The following PRKG2 variants were observed in gnomAD, a reference collection of about 807,000 sequenced individuals.
The protein encoded by PRKG2 is protein kinase cGMP-dependent 2.
A neutral mutation model predicts 97.2 loss-of-function variants in PRKG2; 33 were observed. That is an observed-to-expected ratio of 0.34 (90% CI 0.26 to 0.45). PRKG2 has a LOEUF of 0.45. Ranked by LOEUF, PRKG2 falls within the 20% of genes least tolerant of loss-of-function variation. The pLI is 1.00. For synonymous variants in PRKG2, 330 were observed against 321.8 expected, an observed-to-expected ratio of 1.03 and a Z score of -0.27; for missense variants, 638 against 900.0, an observed-to-expected ratio of 0.71 and a Z score of 3.73.
chr4:81,204,969 G>A lies in PRKG2; in HGVS notation c.79C>T (p.Arg27Trp), dbSNP rs187350442. 297 of 1,614,036 alleles carry A rather than the reference G, an allele frequency of 1.8e-4. No homozygotes were observed. The highest frequency in any genetic ancestry group is 2.3e-4 in the Admixed American group (14 of 59,996). ...CTCTCCAGCTCTGTCACCTTGTTCCGCAGAGCATCAGTGGTGAGGTTCCCA... is the reference window on the plus strand; with the variant it reads ...CTCTCCAGCTCTGTCACCTTGTTCCACAGAGCATCAGTGGTGAGGTTCCCA... ...HSGNLTTDAL[R>W]NKVTELEREL... Residue 27 changes from arginine (R) to tryptophan (W), a missense_variant, in exon 2 of 19, where the codon CGG (arginine) becomes TGG (tryptophan). Arg to Trp is a moderately radical substitution (Grantham distance 101). Transcript: ENST00000264399.
At chr4:81,131,523 T>C (rs993211122) in intron 14 of PRKG2, among the ~76,000 whole-genome samples, 1 of 152,236 alleles carries the variant, frequency 6.6e-6, no homozygotes, top group African/African-American at 2.4e-5. Flanking sequence ...ATATTCTAGA[T>C]ACAAGCCTTT....
chr4:81,179,102 G>T (rs1264690115), intron 2 of PRKG2, among the ~76,000 whole-genome samples: 1 of 151,412 alleles, frequency 6.6e-6, no homozygotes, highest in Non-Finnish European at 1.5e-5. Context: ...CTCCAGCCTG[G>T]CAGCAGAGTG....
At chr4:81,175,556 G>C (rs1750849932) in intron 2 of PRKG2, 1 of 152,158 alleles carries the variant, frequency 6.6e-6, no homozygotes, top group Non-Finnish European at 1.5e-5. Context: ...TCTTCTGAGG[G>C]AGAAAGCTTC....
At chr4:81,155,341 T>C (rs893906864) in intron 6 of PRKG2, among the ~76,000 whole-genome samples, 1 of 151,374 alleles carries the variant, frequency 6.6e-6, no homozygotes, top group Non-Finnish European at 1.5e-5. Context: ...CAATGGAAGA[T>C]GAAATGAATG....
intron 6 of PRKG2, among the ~76,000 whole-genome samples, chr4:81,160,641 A>G (rs1205390847): frequency 2.0e-5 from 3 of 152,202 alleles, no homozygotes; most frequent in Admixed American, 6.5e-5. Flanking sequence ...TCATAATGCA[A>G]TATCCAAAGA....
chr4:81,190,132 CA>C (rs1399579216), intron 2 of PRKG2, among the ~76,000 whole-genome samples: 1 of 152,074 alleles, frequency 6.6e-6, no homozygotes, highest in Non-Finnish European at 1.5e-5. Flanking sequence ...CAATCCTAAG[CA>C]AAAAGAACAA....
At chr4:81,128,618 A>C (rs924565184) in intron 14 of PRKG2, among the ~76,000 whole-genome samples, 1 of 152,090 alleles carries the variant, frequency 6.6e-6, no homozygotes, top group Admixed American at 6.6e-5. Context: ...ATTTGCGTAG[A>C]AGTGTTTATA....
At chr4:81,181,866 T>C (rs1279849389) in intron 2 of PRKG2, among the ~76,000 whole-genome samples, 1 of 151,706 alleles carries the variant, frequency 6.6e-6, no homozygotes, top group African/African-American at 2.4e-5. Flanking sequence ...AAACATCAAG[T>C]ATGGAAAATT....
intron 6 of PRKG2, chr4:81,154,141 TGCTA>T (rs1430000528): frequency 4.9e-5 from 8 of 162,112 alleles, no homozygotes; most frequent in Non-Finnish European, 9.3e-5. Context: ...TCTTGCTGAT[TGCTA>T]GCACAGCAGT....
intron 15 of PRKG2, 95 bp from the exon 16 acceptor site, chr4:81,106,030 C>T: frequency 7.2e-7 from 1 of 1,387,448 alleles, no homozygotes; most frequent in Non-Finnish European, 9.8e-7. Flanking sequence ...CCTTCCCTCC[C>T]TTCTTTCATT....
At chr4:81,097,340 G>A (rs1237969065) in intron 17 of PRKG2, among the ~76,000 whole-genome samples, 1 of 151,272 alleles carries the variant, frequency 6.6e-6, no homozygotes, top group Non-Finnish European at 1.5e-5. Flanking sequence ...GAGGTCTCAA[G>A]AGTAGGCTTA....
chr4:81,211,642 C>T (rs1270664779), intron 1 of PRKG2, among the ~76,000 whole-genome samples: 1 of 152,086 alleles, frequency 6.6e-6, no homozygotes, highest in Non-Finnish European at 1.5e-5. Context: ...AGGGAAGATA[C>T]TATTGCACCA....
chr4:81,120,092 A>C (rs1744933987), intron 14 of PRKG2, among the ~76,000 whole-genome samples: 1 of 152,200 alleles, frequency 6.6e-6, no homozygotes, highest in African/African-American at 2.4e-5. Context: ...GACAAGATTG[A>C]AAACCTAACT....
intron 6 of PRKG2, among the ~76,000 whole-genome samples, chr4:81,159,264 G>GA (rs955081078): frequency 2.7e-5 from 4 of 149,252 alleles, no homozygotes; most frequent in South Asian, 2.2e-4. Flanking sequence ...AAATTTACAA[G>GA]AAAAAAAAAC....
chr4:81,125,254 A>C (rs961151343), intron 14 of PRKG2, among the ~76,000 whole-genome samples: 1 of 152,194 alleles, frequency 6.6e-6, no homozygotes, highest in African/African-American at 2.4e-5. Context: ...CAACCACTAT[A>C]CTGTCAAGAT....
chr4:81,135,574 T>C (rs1471028934), intron 13 of PRKG2, among the ~76,000 whole-genome samples: 1 of 151,916 alleles, frequency 6.6e-6, no homozygotes, highest in Admixed American at 6.6e-5. Context: ...AAGAGAAAAA[T>C]CCAAAAACAA....
chr4:81,196,507 C>T (rs1365789954), intron 2 of PRKG2, among the ~76,000 whole-genome samples: 1 of 152,126 alleles, frequency 6.6e-6, no homozygotes, highest in African/African-American at 2.4e-5. Context: ...CTTCCTCTTT[C>T]CTCATCTCAC....
chr4:81,113,847 A>G (rs991198739), intron 14 of PRKG2, among the ~76,000 whole-genome samples: 1 of 152,208 alleles, frequency 6.6e-6, no homozygotes, highest in Non-Finnish European at 1.5e-5. Flanking sequence ...ACCAACAACC[A>G]AAGTTGATTT....
intron 15 of PRKG2, among the ~76,000 whole-genome samples, chr4:81,108,977 A>G (rs949921927): frequency 6.6e-6 from 1 of 152,194 alleles, no homozygotes; most frequent in Admixed American, 6.5e-5. Flanking sequence ...GAAAACTGAC[A>G]TACATATCTG....
Sources: allele counts gnomAD v4.1 joint callset (sites outside exome capture counted in the v4.1 genomes callset), GRCh38; gene constraint gnomAD v4.1.1; transcripts MANE v1.5; gene names NCBI Gene and HGNC (gene_info 2026-07-23, HGNC 2026-07-21).